Variants in ATP6V0A4 observed in about 807,000 individuals in gnomAD.
The protein encoded by ATP6V0A4 is V-type proton ATPase 116 kDa subunit a 4.
In ATP6V0A4, 86 loss-of-function variants were observed where a neutral mutation model predicts 107.3. The observed-to-expected ratio is 0.80, with a 90% CI of 0.67 to 0.96. The LOEUF (loss-of-function observed/expected upper bound fraction) is 0.96, where lower values mean the gene tolerates loss of function less well. ATP6V0A4 is among the 40% of genes least tolerant of loss of function. The pLI is 0.00. For synonymous variants in ATP6V0A4, 353 were observed against 381.4 expected (o/e 0.93, Z 0.87); for missense variants, 908 against 1,045.6 (o/e 0.87, Z 1.81).
chr7:138,723,618 CA>C (rs1294139656), intron 18 of ATP6V0A4, among the ~76,000 whole-genome samples: 1 of 151,484 alleles, frequency 6.6e-6, no homozygotes, highest in African/African-American at 2.4e-5. Flanking sequence ...CTCTGTCCCC[CA>C]GTTCAAGAGA....
At chr7:138,737,579 C>CTTTTTTTTTT (rs373540257) in intron 15 of ATP6V0A4, among the ~76,000 whole-genome samples, 1 of 134,642 alleles carries the variant, frequency 7.4e-6, no homozygotes, top group Non-Finnish European at 1.6e-5. Flanking sequence ...TTTTCTTTTT[C>CTTTTTTTTTT]TTTTTTTTTT....
At chr7:138,734,756 C>T (rs547924090) in intron 15 of ATP6V0A4, among the ~76,000 whole-genome samples, 6 of 118,462 alleles carry the variant, frequency 5.1e-5, no homozygotes, top group Admixed American at 2.4e-4. Context: ...CCAGCCTGGG[C>T]GAAAGAGCAA....
At chr7:138,789,062 C>T (rs181416811) in intron 1 of ATP6V0A4, among the ~76,000 whole-genome samples, 12 of 152,162 alleles carry the variant, frequency 7.9e-5, no homozygotes, top group East Asian at 5.8e-4. Context: ...AATTGTAATC[C>T]GATGTTATAT....
chr7:138,759,446 C>A (rs1236237606), intron 8 of ATP6V0A4, among the ~76,000 whole-genome samples: 2 of 151,980 alleles, frequency 1.3e-5, no homozygotes, highest in Non-Finnish European at 2.9e-5. Context: ...GTTCTCAGTT[C>A]TTTAAGACAC....
At chr7:138,780,519 G>A (rs1807871073) in intron 2 of ATP6V0A4, among the ~76,000 whole-genome samples, 1 of 152,130 alleles carries the variant, frequency 6.6e-6, no homozygotes, top group African/African-American at 2.4e-5. Context: ...GCCATCTTGA[G>A]GGCTCAGTGT....
rs764980419 is a variant in ATP6V0A4 at position 138,798,182 on chromosome 7, G to C, written c.-269C>G. The C allele has an allele frequency of 1.3e-6, 2 of 1,590,414 alleles. No individual in the cohort carries two copies. Among genetic ancestry groups the C allele is most frequent in the South Asian group, 1.1e-5 (1 of 87,186 alleles). On this transcript the variant is annotated 5_prime_UTR_variant, in exon 1 of 22. Coordinates refer to ENST00000310018, the MANE Select transcript of ATP6V0A4 (RefSeq NM_020632.3). ...TTGCCTCCCTCCACTCGGCTTGCTC[G>C]GCAGGTAGCGTTATGAGCTTTATTC...
In ATP6V0A4 at chr7:138,781,837, C is replaced by A. The variant is rs796432218; in HGVS notation, c.-18+4321G>T. ...TTTAAAGAAATTTTTCTCTGTCTCT[C>A]TCTCTCTTTTTTTTTTTTTTTGTAG... is the stretch of plus-strand genomic sequence containing the variant. On this transcript the variant is annotated intron_variant, in intron 2 of 21. Coordinates refer to ENST00000310018, the MANE Select transcript of ATP6V0A4 (RefSeq NM_020632.3). 4.0e-3 allele frequency among the ~76,000 whole-genome samples: 266 copies of A among 67,288 alleles called. 1 individual carries two copies. Among genetic ancestry groups the A allele is most frequent in the African/African-American group, 0.018 (257 of 14,034 alleles). 44.1% of individuals were successfully genotyped at this position (67,288 alleles called of 152,430 possible).
intron 20 of ATP6V0A4, among the ~76,000 whole-genome samples, chr7:138,713,857 T>C (rs1356731834): frequency 6.6e-6 from 1 of 151,762 alleles, no homozygotes; most frequent in Non-Finnish European, 1.5e-5. Context: ...TCCCAGCACT[T>C]TGGGAGGCCA....
chr7:138,708,645 T>A (rs1397471361), intron 21 of ATP6V0A4, among the ~76,000 whole-genome samples: 2 of 152,206 alleles, frequency 1.3e-5, no homozygotes, highest in African/African-American at 2.4e-5. Context: ...GACGGCTGAT[T>A]GTCACTGGAT....
intron 17 of ATP6V0A4, among the ~76,000 whole-genome samples, chr7:138,731,687 G>A (rs1413882533): frequency 1.3e-5 from 2 of 152,084 alleles, no homozygotes; most frequent in African/African-American, 4.8e-5. Context: ...GTGGTTAGGA[G>A]TTCAAGACCA....
chr7:138,744,329 C>T lies in ATP6V0A4; in HGVS notation c.1478+794G>A, dbSNP rs1294939786. Among the ~76,000 whole-genome samples, 17 of 146,046 alleles carry T rather than the reference C, an allele frequency of 1.2e-4. No individual in the cohort carries two copies. In the Admixed American group the frequency reaches 1.2e-3, roughly 10 times the overall value. Reference sequence around the variant, plus strand: ...CTCGGCTCGCTGCAACCTCCACCTCCTGGATTCAAGCAGTTCTCGTGCCTT... The same window carrying T: ...CTCGGCTCGCTGCAACCTCCACCTCTTGGATTCAAGCAGTTCTCGTGCCTT... On this transcript the variant is annotated intron_variant, in intron 14 of 21. Transcript: ENST00000310018.
chr7:138,764,632 A>T (rs538507925), intron 5 of ATP6V0A4, among the ~76,000 whole-genome samples: 8 of 152,314 alleles, frequency 5.3e-5, no homozygotes, highest in Non-Finnish European at 7.3e-5. Flanking sequence ...TTACAGAAAG[A>T]CAGGAAAGGG....
intron 11 of ATP6V0A4, among the ~76,000 whole-genome samples, chr7:138,751,786 T>A (rs935823797): frequency 9.2e-5 from 14 of 152,006 alleles, no homozygotes; most frequent in African/African-American, 2.9e-4. Flanking sequence ...AGATGCTTGG[T>A]TATTCATCTT....
In ATP6V0A4 at chr7:138,740,172, T is replaced by A. The variant is rs143665426; in HGVS notation, c.1479-539A>T. ...GAAGGAAAAGGAAGGGAGATCAGGATTTGTACCACATCAGAAATGAGGTAG... is the reference window on the plus strand; with the variant it reads ...GAAGGAAAAGGAAGGGAGATCAGGAATTGTACCACATCAGAAATGAGGTAG... On this transcript the variant is annotated intron_variant, in intron 14 of 21. Transcript: ENST00000310018. Among the ~76,000 whole-genome samples, 1,225 of 150,486 alleles carry A rather than the reference T, an allele frequency of 8.1e-3. 22 individuals are homozygous for A. Among genetic ancestry groups the A allele is most frequent in the African/African-American group, 0.029 (1,184 of 40,992 alleles).
intron 20 of ATP6V0A4, among the ~76,000 whole-genome samples, chr7:138,710,434 C>T (rs1314282390): frequency 6.6e-6 from 1 of 152,158 alleles, no homozygotes; most frequent in Non-Finnish European, 1.5e-5. Context: ...TCATAATCCA[C>T]CCGCCTCGGC....
Position 138,749,206 on chromosome 7 carries a change from C to T in ATP6V0A4, c.1141G>A (p.Asp381Asn). 2 of 1,612,034 alleles carry T rather than the reference C, an allele frequency of 1.2e-6. No individual in the cohort carries two copies. Among genetic ancestry groups the T allele is most frequent in the Non-Finnish European group, 1.7e-6 (2 of 1,178,908 alleles). The change falls in exon 12 of 22, where the codon GAT becomes AAT. Residue 381 changes from aspartate to asparagine, a missense_variant. Physicochemically the swap from Asp to Asn is conservative, Grantham distance 23 (BLOSUM62 1). Coordinates refer to ENST00000310018, the MANE Select transcript of ATP6V0A4 (RefSeq NM_020632.3). ...CGGTAGCTGCCGACACCATAGGCAT[C>T]AACAATATTCTGGAAGCCAGCTGTG... is the stretch of plus-strand genomic sequence containing the variant. ...KFTAGFQNIV[D>N]AYGVGSYREI...
intron 1 of ATP6V0A4, among the ~76,000 whole-genome samples, chr7:138,796,365 T>A (rs115020717): frequency 2.5e-3 from 388 of 152,248 alleles, no homozygotes; most frequent in African/African-American, 9.1e-3. Flanking sequence ...GCCACCACTA[T>A]TTTATATCTT....
At chr7:138,719,124 T>C (rs1245367474) in intron 19 of ATP6V0A4, among the ~76,000 whole-genome samples, 1 of 152,116 alleles carries the variant, frequency 6.6e-6, no homozygotes, top group Admixed American at 6.6e-5. Context: ...AGGTCAAGGC[T>C]GCTGTGAGCC....
At chr7:138,736,068 CAAAACAAACAAACA>C (rs1805305773) in intron 15 of ATP6V0A4, among the ~76,000 whole-genome samples, 3 of 148,758 alleles carry the variant, frequency 2.0e-5, no homozygotes, top group Non-Finnish European at 1.5e-5. Context: ...AACTCCATCT[CAAAACAAACAAACA>C]AACAAACAAA....
Sources: allele counts gnomAD v4.1 joint callset (sites outside exome capture counted in the v4.1 genomes callset), GRCh38; gene constraint gnomAD v4.1.1; transcripts MANE v1.5; gene names NCBI Gene and HGNC (gene_info 2026-07-23, HGNC 2026-07-21).